The following DOCK9 variants were observed in gnomAD, a reference collection of about 807,000 sequenced individuals.
The protein encoded by DOCK9 is dedicator of cytokinesis 9.
Under a neutral mutation model 263.3 loss-of-function variants are expected in DOCK9, and 89 were observed. The observed-to-expected ratio is 0.34, with a 90% CI of 0.28 to 0.40. The LOEUF is 0.40. Among genes scored for constraint, DOCK9 ranks in the 10% least tolerant of loss-of-function variants. DOCK9 has a pLI of 1.00. For missense variants in DOCK9, 2,140 were observed against 2,603.4 expected (o/e 0.82, Z 3.87); for synonymous variants, 976 against 973.1 (o/e 1.00, Z -0.06).
At position 98,881,936 on chromosome 13, in the gene DOCK9, G is replaced by A; in HGVS notation, c.2631C>T (p.Val877=). 1 of 1,598,540 alleles carries A rather than the reference G, an allele frequency of 6.3e-7. No individual in the cohort carries two copies. The highest frequency in any genetic ancestry group is 8.5e-7 in the Non-Finnish European group (1 of 1,172,654). ...LPTILNQLFR[V]LTRATQEEVA... is the part of the protein sequence containing the mutation. ...CTTCTTCCTGTGTGGCTCTGGTGAGGACTCGGAACAGCTGGTTTAGGATAG... is the reference window on the plus strand; with the variant it reads ...CTTCTTCCTGTGTGGCTCTGGTGAGAACTCGGAACAGCTGGTTTAGGATAG... Residue 877 remains valine, a synonymous_variant, in exon 24 of 53, where the codon GTC becomes GTT. Coordinates refer to ENST00000682017, the MANE Select transcript of DOCK9 (RefSeq NM_001366683.2).
intron 1 of DOCK9, among the ~76,000 whole-genome samples, chr13:98,959,892 T>C (rs1409785968): frequency 6.6e-6 from 1 of 152,202 alleles, no homozygotes; most frequent in African/African-American, 2.4e-5. Context: ...AAACTGTGAT[T>C]CACTGGTGAC....
intron 32 of DOCK9, 135 bp from the exon 33 acceptor site, chr13:98,860,657 A>T: frequency 3.8e-6 from 2 of 531,724 alleles, no homozygotes; most frequent in Admixed American, 3.6e-5. Flanking sequence ...TGGGAGGAGT[A>T]GCCTTGAGGC....
intron 34 of DOCK9, among the ~76,000 whole-genome samples, chr13:98,853,774 T>G (rs1369724275): frequency 1.3e-5 from 2 of 152,082 alleles, no homozygotes; most frequent in Non-Finnish European, 2.9e-5. Context: ...GCACAGACCT[T>G]TCTCACTGGA....
chr13:98,904,986 T>C lies in DOCK9; in HGVS notation c.961-280A>G, dbSNP rs79391772. ...GCAAAAGAGAATAATTAAGCATCTGTGTGTCAAGAAAGGCTTCATAAAGTA... is the reference window on the plus strand; with the variant it reads ...GCAAAAGAGAATAATTAAGCATCTGCGTGTCAAGAAAGGCTTCATAAAGTA... On this transcript the variant is annotated intron_variant, in intron 9 of 52. Coordinates refer to ENST00000682017, the MANE Select transcript of DOCK9 (RefSeq NM_001366683.2). Among the ~76,000 whole-genome samples the C allele has an allele frequency of 6.0e-4, 91 of 152,274 alleles. 1 individual carries two copies. The East Asian group carries it at 0.017, about 29-fold the overall frequency.
chr13:98,958,821 T>A (rs1207907878), intron 1 of DOCK9, among the ~76,000 whole-genome samples: 1 of 152,226 alleles, frequency 6.6e-6, no homozygotes, highest in African/African-American at 2.4e-5. Context: ...TATTTAATGA[T>A]TTTTTTGCAT....
intron 9 of DOCK9, among the ~76,000 whole-genome samples, chr13:98,911,427 T>C (rs909650326): frequency 2.0e-5 from 3 of 152,096 alleles, no homozygotes; most frequent in Non-Finnish European, 2.9e-5. Flanking sequence ...ACTCCCAAAA[T>C]AGGTACATTA....
intron 1 of DOCK9, among the ~76,000 whole-genome samples, chr13:99,013,492 C>T (rs1170511568): frequency 6.6e-6 from 1 of 152,186 alleles, no homozygotes; most frequent in Non-Finnish European, 1.5e-5. Context: ...TACGCTTATG[C>T]TGTTATTCTG....
chr13:98,931,241 C>T (rs2053868695), intron 2 of DOCK9, among the ~76,000 whole-genome samples: 1 of 152,064 alleles, frequency 6.6e-6, no homozygotes, highest in Non-Finnish European at 1.5e-5. Flanking sequence ...ATCCTGTCTA[C>T]CTCAATAACT....
At chr13:99,073,542 C>A (rs2041784433) in intron 1 of DOCK9, among the ~76,000 whole-genome samples, 1 of 152,060 alleles carries the variant, frequency 6.6e-6, no homozygotes, top group Non-Finnish European at 1.5e-5. Context: ...TCTCCTTGAC[C>A]AGGTCTTCTT....
At chr13:98,993,882 A>G (rs1880395126) in intron 1 of DOCK9, among the ~76,000 whole-genome samples, 1 of 152,220 alleles carries the variant, frequency 6.6e-6, no homozygotes, top group Non-Finnish European at 1.5e-5. Context: ...TATGTTGAAA[A>G]TTCAAGGAAG....
chr13:99,016,507 A>G (rs1178787553), intron 1 of DOCK9, among the ~76,000 whole-genome samples: 1 of 152,218 alleles, frequency 6.6e-6, no homozygotes, highest in Non-Finnish European at 1.5e-5. Flanking sequence ...GCAGCACTCC[A>G]GTATGCAATG....
At chr13:99,045,119 A>C (rs1385510567) in intron 1 of DOCK9, among the ~76,000 whole-genome samples, 2 of 152,194 alleles carry the variant, frequency 1.3e-5, no homozygotes, top group African/African-American at 4.8e-5. Flanking sequence ...AAGATTAAAA[A>C]TAGGACTAGC....
chr13:98,881,700 G>T, intron 24 of DOCK9, 73 bp from the exon 25 acceptor site: 1 of 1,442,898 alleles, frequency 6.9e-7, no homozygotes, highest in Non-Finnish European at 9.5e-7. Context: ...CACAGCAGTA[G>T]TAGAACAATG....
intron 37 of DOCK9, chr13:98,847,433 T>G (rs1216999852): frequency 6.6e-6 from 1 of 152,172 alleles, no homozygotes; most frequent in Non-Finnish European, 1.5e-5. Context: ...AATAAAACAG[T>G]TAAGATTAGA....
rs939073168 is a variant in DOCK9, at chr13:98,881,541, C to T, written c.2745+17G>A. ...GAGCCACAGATGTAAGTGATCAGAACAGTGTGTTTTACATACCTTAACATA... is the reference window on the plus strand; with the variant it reads ...GAGCCACAGATGTAAGTGATCAGAATAGTGTGTTTTACATACCTTAACATA... On this transcript the variant is annotated intron_variant, in intron 25 of 52. Transcript: ENST00000682017. 3 of 1,586,578 alleles carry T rather than the reference C, an allele frequency of 1.9e-6. No homozygotes were observed. Among genetic ancestry groups the T allele is most frequent in the East Asian group, 2.3e-5 (1 of 44,032 alleles).
intron 1 of DOCK9, among the ~76,000 whole-genome samples, chr13:99,038,287 C>CTT (rs1555298970): frequency 0.01 from 488 of 48,636 alleles, 11 homozygotes; most frequent in East Asian, 0.047. Flanking sequence ...TTTATGCCCC[C>CTT]CTTTTTTTTT....
chr13:99,029,189 C>T (rs1020529709), intron 1 of DOCK9, among the ~76,000 whole-genome samples: 3 of 152,174 alleles, frequency 2.0e-5, no homozygotes, highest in African/African-American at 4.8e-5. Flanking sequence ...ACAGAACCAG[C>T]CTTGTTACAC....
chr13:98,940,448 G>C (rs1229927866), intron 2 of DOCK9, among the ~76,000 whole-genome samples: 4 of 152,062 alleles, frequency 2.6e-5, no homozygotes, highest in African/African-American at 9.7e-5. Flanking sequence ...GCCTAGGCTG[G>C]AGTGCAGTGG....
At chr13:98,876,558 T>C (rs2043888744) in intron 27 of DOCK9, among the ~76,000 whole-genome samples, 8 of 152,234 alleles carry the variant, frequency 5.3e-5, no homozygotes, top group Admixed American at 4.6e-4. Flanking sequence ...ATCAAAGTTT[T>C]GGAAATCACA....
Sources: gnomAD v4.1 joint callset for allele counts (sites outside exome capture counted in the v4.1 genomes callset) on GRCh38, gnomAD v4.1.1 for gene constraint, MANE v1.5 for transcripts, NCBI Gene and HGNC (gene_info 2026-07-23, HGNC 2026-07-21) for gene names.